Variants in SDK1 observed in about 807,000 individuals in gnomAD.
SDK1 encodes sidekick cell adhesion molecule 1, also known as protein sidekick-1.
SDK1 carries 157 observed loss-of-function variants against 245.5 expected under a neutral mutation model. The ratio of observed to expected loss-of-function variants is 0.64; its 90% confidence interval spans 0.56 to 0.73. The LOEUF (loss-of-function observed/expected upper bound fraction) is 0.73. Ranked by LOEUF, SDK1 falls within the 30% of genes least tolerant of loss-of-function variation. The pLI, the probability that SDK1 is intolerant of heterozygous loss-of-function variation, is 0.00. For synonymous variants in SDK1, 1,647 were observed against 1,278.5 expected (o/e 1.29, Z -6.15); for missense variants, 3,583 against 3,002.3 (o/e 1.19, Z -4.52).
At chr7:3,984,512 C>T (rs1348101721) in intron 13 of SDK1, among the ~76,000 whole-genome samples, 1 of 152,188 alleles carries the variant, frequency 6.6e-6, no homozygotes, top group Non-Finnish European at 1.5e-5. Context: ...TGTGCAGAGA[C>T]ACAGCAGCTT....
chr7:3,577,004 T>G (rs1562575274), intron 1 of SDK1, among the ~76,000 whole-genome samples: 1 of 151,998 alleles, frequency 6.6e-6, no homozygotes, highest in Non-Finnish European at 1.5e-5. Flanking sequence ...TCCATCATTT[T>G]TCATCGATGC....
chr7:3,425,774 T>C (rs1218619363), intron 1 of SDK1, among the ~76,000 whole-genome samples: 4 of 152,210 alleles, frequency 2.6e-5, no homozygotes, highest in Non-Finnish European at 5.9e-5. Flanking sequence ...AGCCTTTTAT[T>C]GAAAGTCCTG....
intron 1 of SDK1, among the ~76,000 whole-genome samples, chr7:3,418,152 A>C (rs1208256067): frequency 1.3e-4 from 7 of 55,394 alleles, no homozygotes; most frequent in African/African-American, 2.2e-4. Flanking sequence ...AATGAAAAAA[A>C]AAAAAAAAAA....
At chr7:3,651,865 G>A (rs541752079) in intron 4 of SDK1, among the ~76,000 whole-genome samples, 6 of 152,244 alleles carry the variant, frequency 3.9e-5, no homozygotes, top group East Asian at 1.9e-4. Context: ...GTCTTCGAAC[G>A]CCAAGGGATG....
intron 5 of SDK1, among the ~76,000 whole-genome samples, chr7:3,885,407 A>T (rs1438604682): frequency 1.3e-5 from 2 of 152,150 alleles, no homozygotes; most frequent in Non-Finnish European, 2.9e-5. Context: ...CAGAGAATGC[A>T]GTGCAGCCCT....
At chr7:4,221,467 C>CT in intron 40 of SDK1, 103 bp downstream of exon 40, 4 of 1,406,732 alleles carry the variant, frequency 2.8e-6, no homozygotes, top group Non-Finnish European at 3.8e-6. Context: ...GCATTTTCCC[C>CT]CCACAAAGCT....
Position 3,974,408 on chromosome 7 carries a change from G to A in SDK1, c.1857G>A (p.Ser619=), listed in dbSNP as rs755084316. The change falls in exon 13 of 45, where the codon TCG becomes TCA. Residue 619 remains serine (S), a synonymous_variant. Coordinates refer to ENST00000404826, the MANE Select transcript of SDK1 (RefSeq NM_152744.4). ...WKKDNVALTP[S]STSRIVVEKD... ...AGGACAACGTGGCCCTGACTCCATCGAGCACGTCTAGGATCGTGGTGGAGA... is the reference window on the plus strand; with the variant it reads ...AGGACAACGTGGCCCTGACTCCATCAAGCACGTCTAGGATCGTGGTGGAGA... The A allele has an allele frequency of 1.6e-5, 26 of 1,613,872 alleles. No individual in the cohort carries two copies. In the African/African-American group the frequency reaches 2.4e-4, roughly 15 times the overall value.
At chr7:3,987,374 G>C in intron 14 of SDK1, 52 bp downstream of exon 14, 1 of 1,591,374 alleles carries the variant, frequency 6.3e-7, no homozygotes, top group Non-Finnish European at 8.6e-7. Flanking sequence ...ATTTTTGTGT[G>C]TGCTCTTAAT....
intron 1 of SDK1, among the ~76,000 whole-genome samples, chr7:3,506,098 A>G (rs746319024): frequency 6.6e-6 from 1 of 152,042 alleles, no homozygotes; most frequent in Non-Finnish European, 1.5e-5. Flanking sequence ...TGTAGATGCA[A>G]GTTTTCATCT....
At chr7:3,416,392 T>G (rs938085096) in intron 1 of SDK1, among the ~76,000 whole-genome samples, 5 of 151,902 alleles carry the variant, frequency 3.3e-5, no homozygotes, top group Non-Finnish European at 5.9e-5. Flanking sequence ...GGAGAAAGAA[T>G]GGCAAATTGG....
intron 1 of SDK1, among the ~76,000 whole-genome samples, chr7:3,336,784 G>C (rs544562903): frequency 2.0e-5 from 3 of 152,316 alleles, no homozygotes; most frequent in Admixed American, 6.5e-5. Flanking sequence ...CCACACTTTG[G>C]CTGGGAAAGT....
intron 4 of SDK1, among the ~76,000 whole-genome samples, chr7:3,657,455 C>G (rs913367566): frequency 3.3e-5 from 5 of 152,134 alleles, no homozygotes; most frequent in African/African-American, 1.2e-4. Context: ...AATTCAGGGT[C>G]CTACCCAAAT....
In SDK1 at chr7:4,155,866, A is replaced by C. The variant is rs138688094; in HGVS notation, c.4626-2582A>C. 6.8e-3 allele frequency among the ~76,000 whole-genome samples: 1,033 copies of C among 152,280 alleles called. 16 individuals carry two copies. The highest frequency in any genetic ancestry group is 0.022 in the African/African-American group (930 of 41,548). On this transcript the variant is annotated intron_variant, in intron 30 of 44. Transcript: ENST00000404826. The stretch of plus-strand genomic sequence containing the variant: ...TGTCCTTGTGGATGTTGAGTCTTGT[A>C]AAGACAGATAGTCGTCAAGGAAATG...
chr7:3,334,560 T>C (rs1028843938), intron 1 of SDK1, among the ~76,000 whole-genome samples: 1 of 151,984 alleles, frequency 6.6e-6, no homozygotes, highest in Admixed American at 6.5e-5. Context: ...GGGCCAGGTG[T>C]GAGGACAGGA....
intron 1 of SDK1, among the ~76,000 whole-genome samples, chr7:3,614,504 A>G (rs997244284): frequency 6.6e-6 from 1 of 152,202 alleles, no homozygotes; most frequent in African/African-American, 2.4e-5. Context: ...CATTTTCTTT[A>G]TGAATCATTT....
chr7:3,988,132 G>GT (rs71032919), intron 14 of SDK1, among the ~76,000 whole-genome samples: 4,507 of 85,382 alleles, frequency 0.053, 256 homozygotes, highest in Non-Finnish European at 0.08. Context: ...TCTTTTTAAT[G>GT]TTTTTTTTTT....
At chr7:3,619,976 C>T (rs892540406) in intron 2 of SDK1, among the ~76,000 whole-genome samples, 12 of 152,188 alleles carry the variant, frequency 7.9e-5, no homozygotes, top group African/African-American at 2.9e-4. Context: ...GATAATATTA[C>T]ATGCTGCAGT....
intron 37 of SDK1, 126 bp downstream of exon 37, chr7:4,208,411 C>G: frequency 1.3e-6 from 1 of 786,444 alleles, no homozygotes; most frequent in Non-Finnish European, 2.0e-6. Flanking sequence ...TTTTGAGTAG[C>G]TGGGAGTTTC....
chr7:4,185,607 G>A (rs1220352653), intron 35 of SDK1, among the ~76,000 whole-genome samples: 1 of 152,128 alleles, frequency 6.6e-6, no homozygotes, highest in Non-Finnish European at 1.5e-5. Flanking sequence ...GCGAGCCCTT[G>A]GATGGGGCAG....
Sources: allele counts gnomAD v4.1 joint callset (sites outside exome capture counted in the v4.1 genomes callset), GRCh38; gene constraint gnomAD v4.1.1; transcripts MANE v1.5; gene names NCBI Gene and HGNC (gene_info 2026-07-23, HGNC 2026-07-21).